Variants in LRIF1 observed in about 807,000 individuals in gnomAD.
LRIF1 encodes ligand dependent nuclear receptor interacting factor 1, also known as ligand-dependent nuclear receptor-interacting factor 1.
LRIF1 carries 32 observed loss-of-function variants against 52.7 expected under a neutral mutation model. The observed-to-expected ratio is 0.61, with a 90% CI of 0.46 to 0.82. The LOEUF (loss-of-function observed/expected upper bound fraction) is 0.82. Ranked by LOEUF, LRIF1 falls within the 40% of genes least tolerant of loss-of-function variation. The pLI is 0.00. For missense variants in LRIF1, 887 were observed against 892.0 expected, an observed-to-expected ratio of 0.99 and a Z score of 0.07; for synonymous variants, 323 against 317.4, an observed-to-expected ratio of 1.02 and a Z score of -0.19.
the LRIF1 span, chr1:110,936,624 A>G: frequency 6.6e-6 from 1 of 152,112 alleles, no homozygotes; most frequent in Admixed American, 6.6e-5. Context: ...AAAGCAAGAA[A>G]CTAAATCATA....
the LRIF1 span, among the ~76,000 whole-genome samples, chr1:110,920,220 GTT>G: frequency 6.6e-6 from 1 of 152,122 alleles, no homozygotes; most frequent in Non-Finnish European, 1.5e-5. Flanking sequence ...GAAAACCTAT[GTT>G]CATACAGAAA....
the LRIF1 span, among the ~76,000 whole-genome samples, chr1:110,924,021 T>C: frequency 6.6e-6 from 1 of 152,046 alleles, no homozygotes; most frequent in East Asian, 1.9e-4. Flanking sequence ...AAAGTCACAT[T>C]ACAAATACAA....
At chr1:110,939,190 A>C in the LRIF1 span, 1 of 152,088 alleles carries the variant, frequency 6.6e-6, no homozygotes, top group Admixed American at 6.5e-5. Flanking sequence ...CATCTTGGCT[A>C]ACACGGTGAA....
chr1:110,920,177 T>A, the LRIF1 span, among the ~76,000 whole-genome samples: 31 of 152,348 alleles, frequency 2.0e-4, no homozygotes, highest in African/African-American at 7.5e-4. Context: ...GATCCAGCAA[T>A]CATGCTCTCT....
chr1:110,953,907 GCTTC>G (rs1472774013), intron 1 of LRIF1, among the ~76,000 whole-genome samples: 2 of 151,944 alleles, frequency 1.3e-5, no homozygotes, highest in African/African-American at 4.8e-5. Context: ...ATGCTTGTTA[GCTTC>G]CTTCATGGTA....
chr1:110,950,661 G>C (rs1658431922), intron 2 of LRIF1, among the ~76,000 whole-genome samples: 1 of 151,778 alleles, frequency 6.6e-6, no homozygotes, highest in Non-Finnish European at 1.5e-5. Context: ...TAACTATGTG[G>C]GCATGTTGGG....
At chr1:110,883,034 G>C in the LRIF1 span, among the ~76,000 whole-genome samples, 37 of 151,814 alleles carry the variant, frequency 2.4e-4, no homozygotes, top group African/African-American at 8.2e-4. Flanking sequence ...TTTCTTTCCA[G>C]TTTGGATGCC....
intron 1 of LRIF1, among the ~76,000 whole-genome samples, chr1:110,958,892 G>A (rs989531660): frequency 1.1e-4 from 16 of 152,190 alleles, no homozygotes; most frequent in African/African-American, 3.9e-4. Context: ...GCAACAAAAT[G>A]TAATGAGTTC....
In LRIF1 at chr1:110,952,700, A is replaced by G; in HGVS notation, c.184T>C (p.Ser62Pro). ...SGNLIPLVQS[S>P]VMSDALKGNT... ...CCTTTCAAAGCATCAGACATGACTG[A>G]AGATTGAACTAGTGGTATAAGATTT... The change falls in exon 2 of 4, where the codon TCA (serine) becomes CCA (proline). Residue 62 changes from serine (S) to proline (P), a missense_variant. Physicochemically the swap from Ser to Pro is moderately conservative, Grantham distance 74. Transcript: ENST00000369763. 6.2e-7 allele frequency: 1 copy of G among 1,614,084 alleles called. No homozygotes were observed. Among genetic ancestry groups the G allele is most frequent in the Non-Finnish European group, 8.5e-7 (1 of 1,179,984 alleles).
intron 1 of LRIF1, among the ~76,000 whole-genome samples, chr1:110,962,251 T>C (rs1422787047): frequency 6.6e-6 from 1 of 152,026 alleles, no homozygotes; most frequent in Non-Finnish European, 1.5e-5. Context: ...CTTTCTCATA[T>C]GTACACAGGG....
At chr1:110,954,946 T>C (rs1658635663) in intron 1 of LRIF1, among the ~76,000 whole-genome samples, 3 of 152,260 alleles carry the variant, frequency 2.0e-5, no homozygotes, top group Admixed American at 2.0e-4. Flanking sequence ...TGTACTCTTT[T>C]GTTAGATGCT....
At chr1:110,896,780 G>A in the LRIF1 span, 3 of 1,518,620 alleles carry the variant, frequency 2.0e-6, no homozygotes, top group Non-Finnish European at 1.8e-6. Context: ...TTGTTTAAAT[G>A]TTTAATTACC....
At chr1:110,878,534 T>G in the LRIF1 span, among the ~76,000 whole-genome samples, 1 of 152,244 alleles carries the variant, frequency 6.6e-6, no homozygotes, top group African/African-American at 2.4e-5. Context: ...CTTTCTTCTT[T>G]ATACTTTTCT....
chr1:110,894,488 G>A, the LRIF1 span: 1 of 1,011,974 alleles, frequency 9.9e-7, no homozygotes, highest in Non-Finnish European at 1.6e-6. Context: ...TACAGAATAA[G>A]TTCTATAATA....
chr1:110,961,960 T>C (rs1017956563), intron 1 of LRIF1, among the ~76,000 whole-genome samples: 9 of 151,622 alleles, frequency 5.9e-5, no homozygotes, highest in Non-Finnish European at 1.0e-4. Context: ...AATGCATAAA[T>C]CAATGAGTTA....
At chr1:110,931,263 C>A in the LRIF1 span, among the ~76,000 whole-genome samples, 14 of 152,108 alleles carry the variant, frequency 9.2e-5, no homozygotes, top group African/African-American at 3.4e-4. Flanking sequence ...TGACAGTTTG[C>A]TTAGAATGAT....
chr1:110,903,882 C>A, the LRIF1 span, among the ~76,000 whole-genome samples: 2 of 152,192 alleles, frequency 1.3e-5, no homozygotes. Flanking sequence ...CTGCCCTGGG[C>A]CAGAAGGGAG....
intron 1 of LRIF1, among the ~76,000 whole-genome samples, chr1:110,956,491 T>C (rs968151222): frequency 1.3e-5 from 2 of 152,184 alleles, no homozygotes; most frequent in Admixed American, 1.3e-4. Flanking sequence ...AAAGGGATTA[T>C]TGGTCTGTAG....
At chr1:110,898,974 A>G in the LRIF1 span, 9 of 601,622 alleles carry the variant, frequency 1.5e-5, 1 homozygote, top group South Asian at 1.6e-4. Context: ...AACCAAAGGA[A>G]AGAGCTCCTG....
Sources: gnomAD v4.1 joint callset for allele counts (sites outside exome capture counted in the v4.1 genomes callset) on GRCh38, gnomAD v4.1.1 for gene constraint, MANE v1.5 for transcripts, NCBI Gene and HGNC (gene_info 2026-07-23, HGNC 2026-07-21) for gene names.